Variants in BAZ2A observed in about 807,000 individuals in gnomAD.
The protein encoded by BAZ2A is bromodomain adjacent to zinc finger domain protein 2A.
BAZ2A carries 34 observed loss-of-function variants against 199.9 expected under a neutral mutation model. That is an observed-to-expected ratio of 0.17 (90% CI 0.13 to 0.23). The LOEUF (loss-of-function observed/expected upper bound fraction) is 0.23. BAZ2A is among the 10% of genes least tolerant of loss of function. The probability of loss-of-function intolerance (pLI) is 1.00; values close to 1 mark genes in which losing one functional copy is unlikely to be tolerated. For synonymous variants in BAZ2A, 857 were observed against 883.9 expected, an observed-to-expected ratio of 0.97 and a Z score of 0.54; for missense variants, 2,002 against 2,391.1, an observed-to-expected ratio of 0.84 and a Z score of 3.39.
At chr12:56,630,783 C>G (rs1340495827), upstream of BAZ2A, 7 of 985,512 alleles carry the variant, frequency 7.1e-6, no homozygotes, top group South Asian at 4.7e-5. Context: ...CACCTCTGTC[C>G]CTTCAGTGCA....
At chr12:56,615,650 C>A (rs1456219076) in intron 2 of BAZ2A, 43 bp from the exon 3 acceptor site, 1 of 1,421,526 alleles carries the variant, frequency 7.0e-7, no homozygotes. Context: ...GATATGTAGG[C>A]AAGCAACTTT....
intron 16 of BAZ2A, 39 bp downstream of exon 16, chr12:56,604,178 C>T: frequency 6.4e-7 from 1 of 1,560,638 alleles, no homozygotes; most frequent in Non-Finnish European, 8.7e-7. Context: ...CGCCCCACTT[C>T]TCTCCTCTCT....
intron 1 of BAZ2A, among the ~76,000 whole-genome samples, chr12:56,625,340 G>C (rs1951053552): frequency 6.6e-6 from 1 of 151,774 alleles, no homozygotes; most frequent in South Asian, 2.1e-4. Context: ...ATTTTTAGTA[G>C]AGACAGGGTT....
rs1256808505 is a variant in BAZ2A, at chr12:56,596,365, AAAGC to A, written c.*2249_*2252del. The A allele has an allele frequency of 2.9e-5, 2 of 69,998 alleles. No homozygotes were observed. The highest frequency in any genetic ancestry group is 3.2e-5 in the Non-Finnish European group (1 of 31,744). 4.3% of individuals were successfully genotyped at this position (69,998 alleles called of 1,614,324 possible). Reference sequence around the variant, plus strand: ...AGGGGGCAGTGAAGATGAGGAAAGAAAAGCAAGAAATGGCCCCTTTGATCATGCC... The same window carrying A: ...AGGGGGCAGTGAAGATGAGGAAAGAAAAGAAATGGCCCCTTTGATCATGCC... On this transcript the variant is annotated 3_prime_UTR_variant, in exon 29 of 29. Transcript: ENST00000549884.
In BAZ2A at chr12:56,605,322, C is replaced by T; in HGVS notation, c.2499G>A (p.Leu833=). ...EDMCLTDHQP[L]PDFSRVPGLT... is the part of the protein sequence containing the mutation. ...GACCAGGGACTCGTGAGAAGTCAGG[C>T]AGGGGCTAGAGAGAGAAAAGTGAGT... The change falls in exon 14 of 29, where the codon CTG becomes CTA. Residue 833 remains leucine, a synonymous_variant. Transcript: ENST00000549884. 1 of 1,610,830 alleles carries T rather than the reference C, an allele frequency of 6.2e-7. No individual in the cohort carries two copies. Among genetic ancestry groups the T allele is most frequent in the Non-Finnish European group, 8.5e-7 (1 of 1,177,806 alleles).
intron 1 of BAZ2A, among the ~76,000 whole-genome samples, chr12:56,618,780 G>A (rs2137134674): frequency 6.6e-6 from 1 of 152,040 alleles, no homozygotes; most frequent in South Asian, 2.1e-4. Flanking sequence ...TAAGGAAGGA[G>A]AATCGCTTGA....
intron 10 of BAZ2A, among the ~76,000 whole-genome samples, chr12:56,607,374 CATATAT>C (rs34003057): frequency 6.6e-6 from 1 of 152,018 alleles, no homozygotes; most frequent in African/African-American, 2.4e-5. Flanking sequence ...ACTATATATA[CATATAT>C]ATATTTTTTG....
rs528909096 is a variant in BAZ2A, at chr12:56,623,436, G to A, written c.-2-5904C>T. ...CAGCTCTTGGGTTCATTCTTCTCAT[G>A]TAGTACATCAAAATCTCACAAATGG... On this transcript the variant is annotated intron_variant, in intron 1 of 28. Transcript: ENST00000549884. 2.8e-4 allele frequency among the ~76,000 whole-genome samples: 43 copies of A among 152,254 alleles called. No individual in the cohort carries two copies. In the South Asian group the frequency reaches 8.7e-3, roughly 31 times the overall value.
chr12:56,620,047 A>G (rs1231335210), intron 1 of BAZ2A, among the ~76,000 whole-genome samples: 2 of 152,122 alleles, frequency 1.3e-5, no homozygotes, highest in Non-Finnish European at 2.9e-5. Flanking sequence ...TATCTCCCAT[A>G]TAGGATATCT....
At chr12:56,638,297 G>C (rs1399223045), upstream of BAZ2A, 3 of 1,592,986 alleles carry the variant, frequency 1.9e-6, no homozygotes, top group Non-Finnish European at 1.7e-6. Flanking sequence ...GGCAAGGAGA[G>C]AGACAGTACA....
At chr12:56,611,719 GACAGAA>G in intron 6 of BAZ2A, 48 bp downstream of exon 6, 1 of 1,523,192 alleles carries the variant, frequency 6.6e-7, no homozygotes, top group South Asian at 1.3e-5. Context: ...TACAACATGG[GACAGAA>G]AAGTTTCTTG....
chr12:56,610,978 G>A (rs1950541258), intron 7 of BAZ2A, among the ~76,000 whole-genome samples: 1 of 152,126 alleles, frequency 6.6e-6, no homozygotes. Context: ...GTTCTGAGCA[G>A]AACACAAAGT....
rs1339663195 is a variant in BAZ2A at position 56,601,972 on chromosome 12, G to A, written c.3645C>T (p.Pro1215=). The A allele has an allele frequency of 6.4e-7, 1 of 1,559,398 alleles. No individual in the cohort carries two copies. The part of the protein sequence containing the change: ...SPVRGQDSEQ[P]QAQLQPEAQL... ...GAGCCTCAGGCTGAAGCTGGGCCTG[G>A]GGCTGTTCTGAATCCTGACCCCTGA... is the stretch of plus-strand genomic sequence containing the variant. The change falls in exon 20 of 29, where the codon CCC becomes CCT. Residue 1215 remains proline, a synonymous_variant. Transcript: ENST00000549884.
intron 10 of BAZ2A, among the ~76,000 whole-genome samples, chr12:56,608,276 G>A (rs1239480664): frequency 6.6e-6 from 1 of 151,856 alleles, no homozygotes; most frequent in East Asian, 1.9e-4. Context: ...GGAGGCCGAG[G>A]CAGGAGAATG....
chr12:56,602,149 C>A lies in BAZ2A; in HGVS notation c.3468G>T (p.Val1156=). The change falls in exon 20 of 29, where the codon GTG becomes GTT. Residue 1156 remains valine, a synonymous_variant. Transcript: ENST00000549884. ...VIKKETDSLK[V]AAHASLNPAL... is the part of the protein sequence containing the mutation. ...CAGGGTTGAGTGACGCATGGGCTGC[C>A]ACTTTTAAGGAGTCAGTTTCCTTCT... 1 of 1,592,470 alleles carries A rather than the reference C, an allele frequency of 6.3e-7. No homozygotes were observed. Among genetic ancestry groups the A allele is most frequent in the East Asian group, 2.3e-5 (1 of 44,216 alleles).
At chr12:56,612,443 T>G (rs1426859697) in intron 5 of BAZ2A, among the ~76,000 whole-genome samples, 197 bp from the exon 6 acceptor site, 2 of 152,208 alleles carry the variant, frequency 1.3e-5, no homozygotes, top group Non-Finnish European at 2.9e-5. Context: ...GATGTCATTG[T>G]GTGAAGAAAT....
rs369460414 is a variant in BAZ2A at position 56,610,406 on chromosome 12, T to C, written c.1779+3A>G. 1 of 1,613,304 alleles carries C rather than the reference T, an allele frequency of 6.2e-7. No individual in the cohort carries two copies. Among genetic ancestry groups the C allele is most frequent in the Non-Finnish European group, 8.5e-7 (1 of 1,179,588 alleles). ...AGCAGTCCTTTAAAAAAAGCTACAT[T>C]ACCTTGATCACTTCTGGAAATTGCT... On this transcript the variant is annotated splice_donor_region_variant and intron_variant, in intron 8 of 28. Coordinates refer to ENST00000549884, the MANE Select transcript of BAZ2A (RefSeq NM_001300905.2).
In BAZ2A at chr12:56,609,942, A is replaced by G. The variant is rs756050396; in HGVS notation, c.1886T>C (p.Leu629Ser). 6.2e-7 allele frequency: 1 copy of G among 1,612,120 alleles called. No homozygotes were observed. The highest frequency in any genetic ancestry group is 1.1e-5 in the South Asian group (1 of 90,924). Reference protein sequence around the residue: ...FFEERDTPEGLQWVQLSAEEI... With the variant: ...FFEERDTPEGSQWVQLSAEEI... ...CTCTGCTGAGAGCTGCACCCACTGC[A>G]AGCCCTAAGGTAGCAAGGGAGACTG... The change falls in exon 10 of 29, where the codon TTG (leucine) becomes TCG (serine). Residue 629 changes from leucine (L) to serine (S), a missense_variant. Leu to Ser is a moderately radical substitution (Grantham distance 145). Around this residue, in one of 6 missense-constraint regions of BAZ2A, gnomAD observed 74 missense variants for 126.1 expected, o/e 0.59. Transcript: ENST00000549884.
exon 1 of BAZ2A, chr12:56,636,347 C>G: frequency 2.9e-6 from 4 of 1,369,904 alleles, no homozygotes; most frequent in Non-Finnish European, 3.8e-6. Context: ...ACAGCCTGAA[C>G]TGCTGTAGGG....
Sources: gnomAD v4.1 joint callset for allele counts (sites outside exome capture counted in the v4.1 genomes callset) on GRCh38, gnomAD v4.1.1 for gene constraint, gnomAD v4.1.1 regional missense constraint, MANE v1.5 for transcripts, NCBI Gene and HGNC (gene_info 2026-07-23, HGNC 2026-07-21) for gene names.